FHIT: variants seen among roughly 807,000 people sequenced by gnomAD.
FHIT encodes the protein fragile histidine triad diadenosine triphosphatase, also known as bis(5'-adenosyl)-triphosphatase.
FHIT carries 19 observed loss-of-function variants against 17.9 expected under a neutral mutation model. That is an observed-to-expected ratio of 1.06 (90% confidence interval 0.74 to 1.56). FHIT has a LOEUF of 1.56. Ranked by LOEUF, FHIT falls within the 40% of genes most tolerant of loss-of-function variation. FHIT has a pLI of 0.00. For missense variants in FHIT, 248 were observed against 189.2 expected, an observed-to-expected ratio of 1.31 and a Z score of -1.82; for synonymous variants, 81 against 69.7, an observed-to-expected ratio of 1.16 and a Z score of -0.81.
intron 5 of FHIT, among the ~76,000 whole-genome samples, chr3:60,097,056 C>T (rs531678249): frequency 1.2e-3 from 175 of 146,202 alleles, no homozygotes; most frequent in African/African-American, 4.1e-3. Flanking sequence ...TAGAAGAACT[C>T]GAGTCCTTAA....
intron 5 of FHIT, among the ~76,000 whole-genome samples, chr3:60,446,107 G>A (rs2031313377): frequency 6.6e-6 from 1 of 152,080 alleles, no homozygotes; most frequent in Non-Finnish European, 1.5e-5. Flanking sequence ...GCAAGGGAGG[G>A]TAGGAGGGAC....
chr3:60,341,146 T>TC (rs1411735330), intron 5 of FHIT, among the ~76,000 whole-genome samples: 3 of 152,206 alleles, frequency 2.0e-5, no homozygotes, highest in Non-Finnish European at 4.4e-5. Context: ...GATGAGTATA[T>TC]CCTTGAGTAC....
chr3:60,290,443 T>C (rs183688829), intron 5 of FHIT, among the ~76,000 whole-genome samples: 9 of 152,092 alleles, frequency 5.9e-5, no homozygotes, highest in African/African-American at 2.2e-4. Flanking sequence ...CAAGGCAAGC[T>C]GACCTATGGA....
intron 4 of FHIT, among the ~76,000 whole-genome samples, chr3:60,597,145 A>C (rs1319899995): frequency 2.0e-5 from 3 of 152,112 alleles, no homozygotes; most frequent in African/African-American, 4.8e-5. Context: ...TATTAAGATA[A>C]TGGTTGGGGG....
intron 2 of FHIT, among the ~76,000 whole-genome samples, chr3:61,153,004 G>A (rs111623869): frequency 3.0e-4 from 45 of 152,156 alleles, no homozygotes; most frequent in Admixed American, 6.5e-4. Flanking sequence ...TCAGCCGGGC[G>A]TGGTGACACG....
intron 3 of FHIT, among the ~76,000 whole-genome samples, chr3:60,882,033 A>C (rs1380761036): frequency 6.6e-6 from 1 of 152,178 alleles, no homozygotes; most frequent in Non-Finnish European, 1.5e-5. Context: ...AAATAAATAA[A>C]ATTAGAAACA....
At chr3:61,162,068 T>C (rs2037712759) in intron 2 of FHIT, among the ~76,000 whole-genome samples, 1 of 152,208 alleles carries the variant, frequency 6.6e-6, no homozygotes, top group Non-Finnish European at 1.5e-5. Context: ...GTTTAACATT[T>C]CAACAAAGCA....
chr3:60,440,321 T>A (rs1281719056), intron 5 of FHIT, among the ~76,000 whole-genome samples: 1 of 152,114 alleles, frequency 6.6e-6, no homozygotes, highest in Non-Finnish European at 1.5e-5. Flanking sequence ...CATGTCATTC[T>A]GAGTGCCCTG....
intron 5 of FHIT, among the ~76,000 whole-genome samples, chr3:60,301,295 T>C (rs1708450857): frequency 1.3e-5 from 2 of 152,170 alleles, no homozygotes; most frequent in Admixed American, 1.3e-4. Context: ...AAACTAGAGA[T>C]AGTGTGTTTC....
At chr3:60,060,613 C>T (rs976577934) in intron 5 of FHIT, among the ~76,000 whole-genome samples, 1 of 152,138 alleles carries the variant, frequency 6.6e-6, no homozygotes, top group African/African-American at 2.4e-5. Flanking sequence ...AACTGTGGCA[C>T]ATTTGGGAAG....
At chr3:60,587,346 A>C (rs538851453) in intron 4 of FHIT, among the ~76,000 whole-genome samples, 3 of 152,050 alleles carry the variant, frequency 2.0e-5, no homozygotes, top group African/African-American at 7.2e-5. Context: ...CACTGGGGCC[A>C]GTTGGCGGGT....
chr3:59,959,988 T>A (rs1003588663), intron 7 of FHIT, among the ~76,000 whole-genome samples: 1 of 152,130 alleles, frequency 6.6e-6, no homozygotes, highest in Non-Finnish European at 1.5e-5. Context: ...CAAGGAGCTA[T>A]GAGCCAGAGC....
intron 1 of FHIT, among the ~76,000 whole-genome samples, chr3:61,228,648 C>A (rs1432774759): frequency 2.0e-5 from 3 of 152,086 alleles, no homozygotes; most frequent in Non-Finnish European, 4.4e-5. Flanking sequence ...ATTTTGCTTC[C>A]CCTACATCTG....
chr3:60,943,952 C>A (rs1193219241), intron 3 of FHIT, among the ~76,000 whole-genome samples: 1 of 152,074 alleles, frequency 6.6e-6, no homozygotes, highest in Non-Finnish European at 1.5e-5. Context: ...TCCTCTTCAA[C>A]CTCCTCATTT....
At chr3:60,143,678 A>C (rs1312097002) in intron 5 of FHIT, among the ~76,000 whole-genome samples, 1 of 152,148 alleles carries the variant, frequency 6.6e-6, no homozygotes, top group Non-Finnish European at 1.5e-5. Context: ...TTCTATTGCC[A>C]ACTATAAGTC....
chr3:60,711,425 GA>G (rs757224976), intron 4 of FHIT, among the ~76,000 whole-genome samples: 87 of 152,322 alleles, frequency 5.7e-4, no homozygotes, highest in Non-Finnish European at 9.1e-4. Flanking sequence ...GCTGGACAGA[GA>G]ATGACTTTGA....
chr3:60,130,713 T>C (rs2064019), intron 5 of FHIT, among the ~76,000 whole-genome samples: 26,932 of 150,708 alleles, frequency 0.18, 2,726 homozygotes, highest in Admixed American at 0.29. Context: ...AGCCCTGGCA[T>C]ATTTGTTCAA....
chr3:61,189,076 T>A (rs2038623203), intron 2 of FHIT, among the ~76,000 whole-genome samples: 2 of 152,260 alleles, frequency 1.3e-5, no homozygotes, highest in African/African-American at 4.8e-5. Context: ...TTGGAATTTC[T>A]GGCCAGGGCG....
Position 61,038,941 on chromosome 3 carries a change from G to A in FHIT, c.-111+3106C>T, listed in dbSNP as rs536523219. On this transcript the variant is annotated intron_variant, in intron 3 of 9. Transcript: ENST00000492590. Reference sequence around the variant, plus strand: ...TGGGCCTTCATAAGCCATGGGCTCTGAACAACTCTCAGGCTGCATGCACAT... The same window carrying A: ...TGGGCCTTCATAAGCCATGGGCTCTAAACAACTCTCAGGCTGCATGCACAT... 1.4e-3 allele frequency among the ~76,000 whole-genome samples: 211 copies of A among 152,184 alleles called. 1 individual carries two copies. Among genetic ancestry groups the A allele is most frequent in the Non-Finnish European group, 2.1e-3 (145 of 68,010 alleles).
Sources: allele counts gnomAD v4.1 joint callset (sites outside exome capture counted in the v4.1 genomes callset), GRCh38; gene constraint gnomAD v4.1.1; transcripts MANE v1.5; gene names NCBI Gene and HGNC (gene_info 2026-07-23, HGNC 2026-07-21).